MTARC1: variants seen among roughly 807,000 people sequenced by gnomAD.
MTARC1 encodes mitochondrial amidoxime-reducing component 1.
Under a neutral mutation model 33.6 loss-of-function variants are expected in MTARC1, and 24 were observed. The ratio of observed to expected loss-of-function variants is 0.72; its 90% CI spans 0.52 to 1.01. MTARC1 has a LOEUF of 1.01. MTARC1 is among the 50% of genes least tolerant of loss of function. The pLI, the probability that MTARC1 is intolerant of heterozygous loss-of-function variation, is 0.00. For synonymous variants in MTARC1, 187 were observed against 189.5 expected, an observed-to-expected ratio of 0.99 and a Z score of 0.11; for missense variants, 417 against 445.7, an observed-to-expected ratio of 0.94 and a Z score of 0.58.
chr1:220,812,336 G>A (rs1673160697), intron 6 of MTARC1, among the ~76,000 whole-genome samples: 1 of 152,358 alleles, frequency 6.6e-6, no homozygotes, highest in South Asian at 2.1e-4. Flanking sequence ...GGAGAGCCAC[G>A]GAAGGTTTGT....
chr1:220,811,891 C>T (rs925801698), intron 6 of MTARC1, among the ~76,000 whole-genome samples: 76 of 152,284 alleles, frequency 5.0e-4, no homozygotes, highest in African/African-American at 1.7e-3. Context: ...GTAGGAGGCC[C>T]GGCATTGGGC....
In MTARC1 at chr1:220,813,727, C is replaced by G. The variant is rs1009349127; in HGVS notation, c.*309C>G. The stretch of plus-strand genomic sequence containing the variant: ...TTCTCCTGCTTCTCCGTTTATCTAC[C>G]AAGAGCGCAGACTTGCATCCTGTCA... On this transcript the variant is annotated 3_prime_UTR_variant, in exon 7 of 7. Transcript: ENST00000366910. 4.1e-5 allele frequency: 12 copies of G among 295,048 alleles called. No individual in the cohort carries two copies. The highest frequency in any genetic ancestry group is 3.9e-5 in the Non-Finnish European group (6 of 152,406). 18.3% of individuals were successfully genotyped at this position (295,048 alleles called of 1,614,324 possible). A position where few individuals can be genotyped will look rare whatever the true frequency, so the allele number is the denominator to read the frequency against.
chr1:220,804,689 C>T (rs1469545549), intron 4 of MTARC1, among the ~76,000 whole-genome samples: 2 of 151,814 alleles, frequency 1.3e-5, no homozygotes, highest in Non-Finnish European at 2.9e-5. Flanking sequence ...GAACAATGCC[C>T]CCATCTGTCC....
chr1:220,788,178 G>T (rs921182673), intron 1 of MTARC1, among the ~76,000 whole-genome samples: 1 of 152,178 alleles, frequency 6.6e-6, no homozygotes, highest in Non-Finnish European at 1.5e-5. Context: ...TTTGTAAAGA[G>T]TGACTTTGTT....
At chr1:220,798,992 A>AGCTTCTGCGCTG (rs1458542657) in intron 4 of MTARC1, 2 of 985,382 alleles carry the variant, frequency 2.0e-6, no homozygotes, top group Non-Finnish European at 2.4e-6. Flanking sequence ...GGCTGGTTTC[A>AGCTTCTGCGCTG]GCTTCTGCAC....
intron 4 of MTARC1, chr1:220,798,430 G>A (rs1426947162): frequency 1.0e-6 from 1 of 985,266 alleles, no homozygotes; most frequent in East Asian, 1.1e-4. Context: ...AAGGCTGCTG[G>A]GTGAGGGTTG....
At chr1:220,799,165 G>T in intron 4 of MTARC1, 1 of 985,270 alleles carries the variant, frequency 1.0e-6, no homozygotes, top group Non-Finnish European at 1.2e-6. Context: ...ATCGATGGAG[G>T]ATAATAAAAG....
intron 6 of MTARC1, among the ~76,000 whole-genome samples, chr1:220,808,506 C>A (rs2102607398): frequency 1.3e-5 from 2 of 152,350 alleles, no homozygotes; most frequent in East Asian, 3.9e-4. Context: ...GGCCTGGCCA[C>A]ATCCCATAAA....
rs188153324 is a variant in MTARC1, at chr1:220,814,931, T to C, written c.*1513T>C. ...TACCAAAAGCTGCACATTTTTCACT[T>C]TGATTTTATAAAAGAGGTCAGTAAT... is the stretch of plus-strand genomic sequence containing the variant. On this transcript the variant is annotated 3_prime_UTR_variant, in exon 7 of 7. Coordinates refer to ENST00000366910, the MANE Select transcript of MTARC1 (RefSeq NM_022746.4). 9 of 152,308 alleles carry C rather than the reference T, an allele frequency of 5.9e-5. No individual in the cohort carries two copies. Among genetic ancestry groups the C allele is most frequent in the Admixed American group, 5.9e-4 (9 of 15,304 alleles). 9.4% of individuals were successfully genotyped at this position (152,308 alleles called of 1,614,324 possible).
chr1:220,789,701 T>G (rs934708755), intron 1 of MTARC1, among the ~76,000 whole-genome samples: 12 of 152,192 alleles, frequency 7.9e-5, no homozygotes, highest in African/African-American at 2.9e-4. Flanking sequence ...CAAAATGTGG[T>G]ATATACACAC....
At chr1:220,787,810 T>G (rs977422353) in intron 1 of MTARC1, among the ~76,000 whole-genome samples, 2 of 151,992 alleles carry the variant, frequency 1.3e-5, no homozygotes, top group Admixed American at 1.3e-4. Flanking sequence ...ACCAACATGG[T>G]GAAACCGCGT....
intron 6 of MTARC1, among the ~76,000 whole-genome samples, chr1:220,811,402 C>T (rs927991234): frequency 6.6e-6 from 1 of 152,296 alleles, no homozygotes; most frequent in South Asian, 2.1e-4. Context: ...GGCACTGTTC[C>T]AGGCCATGAG....
intron 6 of MTARC1, among the ~76,000 whole-genome samples, chr1:220,810,178 A>G (rs533092326): frequency 6.6e-6 from 1 of 152,378 alleles, no homozygotes; most frequent in African/African-American, 2.4e-5. Flanking sequence ...TATTAATACC[A>G]ACAGGAATAC....
chr1:220,809,659 G>C (rs906956351), intron 6 of MTARC1, among the ~76,000 whole-genome samples: 3 of 152,166 alleles, frequency 2.0e-5, no homozygotes, highest in African/African-American at 7.2e-5. Context: ...ACAGGCATGC[G>C]CCTCTACGCC....
chr1:220,790,224 A>G (rs1163025582), intron 1 of MTARC1, among the ~76,000 whole-genome samples: 3 of 152,148 alleles, frequency 2.0e-5, no homozygotes, highest in Admixed American at 6.5e-5. Context: ...TATGTTTTAT[A>G]TATATTTTAC....
chr1:220,789,288 C>A (rs908715978), intron 1 of MTARC1, among the ~76,000 whole-genome samples: 2 of 152,120 alleles, frequency 1.3e-5, no homozygotes, highest in East Asian at 3.8e-4. Context: ...CAAAGACACT[C>A]GGCTTGTGAG....
At chr1:220,799,941 A>G (rs969365950) in intron 4 of MTARC1, among the ~76,000 whole-genome samples, 1 of 152,236 alleles carries the variant, frequency 6.6e-6, no homozygotes, top group Non-Finnish European at 1.5e-5. Context: ...GTTCTAGGAC[A>G]TTAAGTACCA....
At chr1:220,788,649 C>T (rs963282838) in intron 1 of MTARC1, among the ~76,000 whole-genome samples, 1 of 151,894 alleles carries the variant, frequency 6.6e-6, no homozygotes, top group African/African-American at 2.4e-5. Flanking sequence ...ATTAGCCGGG[C>T]TTGGTGGTGG....
At chr1:220,804,202 G>A (rs997662494) in intron 4 of MTARC1, among the ~76,000 whole-genome samples, 2 of 151,934 alleles carry the variant, frequency 1.3e-5, no homozygotes, top group Non-Finnish European at 1.5e-5. Context: ...CAAACTCTCT[G>A]CCCTTTTAGA....
Sources: gnomAD v4.1 joint callset for allele counts (sites outside exome capture counted in the v4.1 genomes callset) on GRCh38, gnomAD v4.1.1 for gene constraint, MANE v1.5 for transcripts, NCBI Gene and HGNC (gene_info 2026-07-23, HGNC 2026-07-21) for gene names.